LCLAT1: variants seen among roughly 807,000 people sequenced by gnomAD.
LCLAT1 encodes lysocardiolipin acyltransferase 1, also known as 1-AGP acyltransferase 8.
A neutral mutation model predicts 30.7 loss-of-function variants in LCLAT1; 11 were observed. The ratio of observed to expected loss-of-function variants is 0.36; its 90% CI spans 0.23 to 0.59. The LOEUF (loss-of-function observed/expected upper bound fraction) is 0.59, where lower values mean the gene tolerates loss of function less well. LCLAT1 is among the 20% of genes least tolerant of loss of function. LCLAT1 has a pLI of 0.77. For missense variants in LCLAT1, 402 were observed against 458.6 expected, an observed-to-expected ratio of 0.88 and a Z score of 1.13; for synonymous variants, 155 against 151.3, an observed-to-expected ratio of 1.02 and a Z score of -0.18.
chr2:30,503,743 C>T (rs1324070636), intron 1 of LCLAT1, among the ~76,000 whole-genome samples: 1 of 152,172 alleles, frequency 6.6e-6, no homozygotes, highest in Non-Finnish European at 1.5e-5. Context: ...AAACAGAAAT[C>T]TGAAACCATG....
chr2:30,542,824 T>G (rs1488456316), intron 3 of LCLAT1, among the ~76,000 whole-genome samples: 1 of 152,270 alleles, frequency 6.6e-6, no homozygotes, highest in African/African-American at 2.4e-5. Context: ...TGCAGTTGAT[T>G]TTTGTATCCT....
Position 30,613,583 on chromosome 2 carries a change from A to C in LCLAT1, c.629-26534A>C, listed in dbSNP as rs867006626. Among the ~76,000 whole-genome samples, 920 of 142,462 alleles carry C rather than the reference A, an allele frequency of 6.5e-3. 10 individuals are homozygous for C. Among genetic ancestry groups the C allele is most frequent in the African/African-American group, 0.023 (871 of 37,552 alleles). The allele number at this position is 142,462 out of a possible 152,430, so 93.5% of individuals were successfully genotyped here. On this transcript the variant is annotated intron_variant, in intron 5 of 5. Coordinates refer to ENST00000379509, the MANE Select transcript of LCLAT1 (RefSeq NM_001002257.3). ...AAGTATAGAGAAAGAAATAAGGGGA[A>C]CCGGGGAACCAGCGTTCAGCATATG...
At chr2:30,566,789 T>G (rs2148447448) in intron 4 of LCLAT1, among the ~76,000 whole-genome samples, 1 of 152,344 alleles carries the variant, frequency 6.6e-6, no homozygotes, top group East Asian at 1.9e-4. Context: ...ATTTGCTGAA[T>G]AATGGGTTTG....
intron 3 of LCLAT1, among the ~76,000 whole-genome samples, chr2:30,561,444 C>T (rs1665216034): frequency 6.6e-6 from 1 of 152,114 alleles, no homozygotes; most frequent in Admixed American, 6.5e-5. Context: ...GGATTGATTG[C>T]CTCAGTTAGG....
chr2:30,460,991 G>C (rs1420597093), intron 1 of LCLAT1, among the ~76,000 whole-genome samples: 1 of 152,186 alleles, frequency 6.6e-6, no homozygotes, highest in Non-Finnish European at 1.5e-5. Flanking sequence ...CCCTTGCTCT[G>C]TGCACCTCTT....
intron 1 of LCLAT1, among the ~76,000 whole-genome samples, chr2:30,498,329 C>T (rs1344108339): frequency 6.6e-6 from 1 of 152,134 alleles, no homozygotes; most frequent in Admixed American, 6.6e-5. Flanking sequence ...AGGACCTTGG[C>T]CTGGGACCAA....
intron 5 of LCLAT1, among the ~76,000 whole-genome samples, chr2:30,581,477 A>G (rs1276320302): frequency 1.3e-5 from 2 of 152,140 alleles, no homozygotes; most frequent in Non-Finnish European, 2.9e-5. Context: ...CAGCCCTACT[A>G]ATAATAGCCA....
At chr2:30,517,884 A>G (rs1685262572) in intron 1 of LCLAT1, among the ~76,000 whole-genome samples, 3 of 152,162 alleles carry the variant, frequency 2.0e-5, no homozygotes. Context: ...TGACCCTGTA[A>G]CACTCCAATA....
chr2:30,503,823 G>T (rs535406231), intron 1 of LCLAT1, among the ~76,000 whole-genome samples: 2 of 152,162 alleles, frequency 1.3e-5, no homozygotes, highest in Non-Finnish European at 1.5e-5. Flanking sequence ...CAAGAAGTCC[G>T]CTTCTTTATG....
At chr2:30,516,620 C>T (rs187597451) in intron 1 of LCLAT1, among the ~76,000 whole-genome samples, 43 of 152,276 alleles carry the variant, frequency 2.8e-4, no homozygotes, top group Middle Eastern at 3.4e-3. Context: ...GCCAAGAACC[C>T]CAGGTCAGAG....
intron 5 of LCLAT1, among the ~76,000 whole-genome samples, chr2:30,615,328 A>G (rs1667945607): frequency 6.6e-6 from 1 of 152,146 alleles, no homozygotes. Flanking sequence ...GAACTCACAC[A>G]GTAGTAGGAG....
chr2:30,608,826 A>T (rs1222968498), intron 5 of LCLAT1, among the ~76,000 whole-genome samples: 1 of 152,152 alleles, frequency 6.6e-6, no homozygotes, highest in African/African-American at 2.4e-5. Flanking sequence ...ACATAGTTGT[A>T]TGTCCAAGAG....
chr2:30,587,232 A>G (rs1666483712), intron 5 of LCLAT1, among the ~76,000 whole-genome samples: 1 of 152,208 alleles, frequency 6.6e-6, no homozygotes, highest in Non-Finnish European at 1.5e-5. Context: ...TTTTAATTCT[A>G]ATATTTGATA....
intron 5 of LCLAT1, among the ~76,000 whole-genome samples, chr2:30,597,541 G>C (rs1235508280): frequency 6.6e-6 from 1 of 152,136 alleles, no homozygotes; most frequent in Non-Finnish European, 1.5e-5. Context: ...AGAAGCTTTT[G>C]GGCTGAGGCA....
chr2:30,512,138 T>G (rs1684967016), intron 1 of LCLAT1, among the ~76,000 whole-genome samples: 1 of 152,236 alleles, frequency 6.6e-6, no homozygotes, highest in Non-Finnish European at 1.5e-5. Flanking sequence ...ATTAGATATT[T>G]CATCTTAATA....
At chr2:30,514,987 G>A (rs1013488402) in intron 1 of LCLAT1, among the ~76,000 whole-genome samples, 1 of 152,048 alleles carries the variant, frequency 6.6e-6, no homozygotes, top group Admixed American at 6.6e-5. Flanking sequence ...GGCCATCCTG[G>A]CCTGGGTGTG....
intron 1 of LCLAT1, among the ~76,000 whole-genome samples, chr2:30,509,204 C>T (rs1276924091): frequency 6.6e-6 from 1 of 152,174 alleles, no homozygotes; most frequent in Non-Finnish European, 1.5e-5. Context: ...AGGTTCATGT[C>T]ATCTGCAAAC....
chr2:30,580,248 A>G (rs891836001), intron 5 of LCLAT1, among the ~76,000 whole-genome samples: 2 of 152,186 alleles, frequency 1.3e-5, no homozygotes, highest in Non-Finnish European at 2.9e-5. Context: ...TATACTTGCA[A>G]ATATCAATTT....
intron 1 of LCLAT1, among the ~76,000 whole-genome samples, chr2:30,471,904 T>C (rs1682814275): frequency 6.6e-6 from 1 of 152,210 alleles, no homozygotes; most frequent in East Asian, 1.9e-4. Flanking sequence ...CAATGTTGAA[T>C]AACAGTGGTG....
Sources: gnomAD v4.1 joint callset for allele counts (sites outside exome capture counted in the v4.1 genomes callset) on GRCh38, gnomAD v4.1.1 for gene constraint, MANE v1.5 for transcripts, NCBI Gene and HGNC (gene_info 2026-07-23, HGNC 2026-07-21) for gene names.